NPRL3: variants seen among roughly 807,000 people sequenced by gnomAD.
NPRL3 encodes the protein GATOR1 complex protein NPRL3.
In NPRL3, 23 loss-of-function variants were observed where a neutral mutation model predicts 57.2. The observed-to-expected ratio is 0.40, with a 90% CI of 0.29 to 0.57. NPRL3 has a LOEUF of 0.57. Among genes scored for constraint, NPRL3 ranks in the 20% least tolerant of loss-of-function variants. The probability of loss-of-function intolerance (pLI) is 0.42; values close to 1 mark genes in which losing one functional copy is unlikely to be tolerated. For missense variants in NPRL3, 691 were observed against 767.1 expected, an observed-to-expected ratio of 0.90 and a Z score of 1.17; for synonymous variants, 333 against 321.1, an observed-to-expected ratio of 1.04 and a Z score of -0.39.
At chr16:127,504 G>A (rs895912477) in intron 3 of NPRL3, among the ~76,000 whole-genome samples, 2 of 152,094 alleles carry the variant, frequency 1.3e-5, no homozygotes, top group African/African-American at 4.8e-5. Flanking sequence ...CAAAGTGGTG[G>A]GATTACAGGC....
chr16:106,588 TG>T (rs1899537769), intron 7 of NPRL3, among the ~76,000 whole-genome samples: 1 of 135,858 alleles, frequency 7.4e-6, no homozygotes. Context: ...GAGCCAAGAT[TG>T]CGCTCCAGCC....
At chr16:128,418 T>C (rs1352069710) in intron 3 of NPRL3, among the ~76,000 whole-genome samples, 2 of 152,220 alleles carry the variant, frequency 1.3e-5, no homozygotes, top group African/African-American at 4.8e-5. Flanking sequence ...TAATACTGTT[T>C]CAGTCTGGTA....
At chr16:112,132 G>T (rs1899841175) in intron 6 of NPRL3, among the ~76,000 whole-genome samples, 1 of 152,222 alleles carries the variant, frequency 6.6e-6, no homozygotes, top group Admixed American at 6.5e-5. Flanking sequence ...GCCCCAGGGA[G>T]TAATAGTTTC....
intron 13 of NPRL3, among the ~76,000 whole-genome samples, chr16:87,598 G>C (rs878950805): frequency 6.7e-6 from 1 of 148,574 alleles, no homozygotes; most frequent in Admixed American, 6.7e-5. Flanking sequence ...GCAGTGGCGC[G>C]ATCTGGGCTC....
At chr16:101,508 CA>C (rs1290320821) in intron 7 of NPRL3, among the ~76,000 whole-genome samples, 1 of 152,210 alleles carries the variant, frequency 6.6e-6, no homozygotes, top group Non-Finnish European at 1.5e-5. Flanking sequence ...AAAGCTTGCT[CA>C]GGCCAAACAT....
intron 3 of NPRL3, among the ~76,000 whole-genome samples, chr16:127,810 A>T (rs889321140): frequency 2.0e-5 from 3 of 151,176 alleles, no homozygotes; most frequent in South Asian, 2.1e-4. Context: ...GCCCGCCACC[A>T]TGCCCGGATA....
At chr16:137,154 A>C (rs1215742719) in intron 2 of NPRL3, among the ~76,000 whole-genome samples, 1 of 151,436 alleles carries the variant, frequency 6.6e-6, no homozygotes, top group East Asian at 2.0e-4. Flanking sequence ...CGGGAGGTGG[A>C]GGCTGCAGTG....
chr16:134,980 C>G (rs979587132), intron 2 of NPRL3, among the ~76,000 whole-genome samples: 1 of 152,032 alleles, frequency 6.6e-6, no homozygotes, highest in Non-Finnish European at 1.5e-5. Flanking sequence ...GGATTACAGG[C>G]GTGAGCCACC....
intron 2 of NPRL3, among the ~76,000 whole-genome samples, chr16:132,631 A>G (rs1005321193): frequency 6.6e-6 from 1 of 150,948 alleles, no homozygotes; most frequent in Non-Finnish European, 1.5e-5. Flanking sequence ...CCAAGGAATC[A>G]CTATCTATGG....
At chr16:89,057 C>T (rs866980694) in intron 12 of NPRL3, 167 bp from the exon 13 acceptor site, 25 of 650,616 alleles carry the variant, frequency 3.8e-5, no homozygotes, top group Admixed American at 1.3e-4. Flanking sequence ...GGGTGTGACA[C>T]GCCCCTCATA....
intron 7 of NPRL3, among the ~76,000 whole-genome samples, chr16:108,625 G>C (rs977020812): frequency 6.6e-6 from 1 of 151,216 alleles, no homozygotes; most frequent in Admixed American, 6.6e-5. Context: ...GAATTAAAAA[G>C]TATTTTTTAA....
intron 2 of NPRL3, among the ~76,000 whole-genome samples, chr16:135,309 T>A (rs1028349550): frequency 1.2e-4 from 19 of 152,060 alleles, no homozygotes; most frequent in Non-Finnish European, 2.4e-4. Context: ...AAATATCAGC[T>A]CTTAGGATTA....
chr16:133,145 G>A (rs1900892465), intron 2 of NPRL3, among the ~76,000 whole-genome samples: 1 of 152,188 alleles, frequency 6.6e-6, no homozygotes, highest in Non-Finnish European at 1.5e-5. Context: ...ATTGTGGCTG[G>A]CCTGATCTAT....
intron 7 of NPRL3, among the ~76,000 whole-genome samples, chr16:103,754 C>T (rs951372430): frequency 9.2e-5 from 14 of 152,070 alleles, no homozygotes; most frequent in Admixed American, 3.3e-4. Context: ...CGAGGCAGGC[C>T]GATCACTTGA....
intron 13 of NPRL3, among the ~76,000 whole-genome samples, chr16:87,952 G>T (rs1164416338): frequency 1.3e-5 from 2 of 151,842 alleles, no homozygotes; most frequent in Admixed American, 1.3e-4. Context: ...CTGGCACAGA[G>T]GAGGCTAGGA....
chr16:86,614 G>C lies in NPRL3; in HGVS notation c.*91C>G. On this transcript the variant is annotated 3_prime_UTR_variant, in exon 14 of 14. Coordinates refer to ENST00000611875, the MANE Select transcript of NPRL3 (RefSeq NM_001077350.3). The stretch of plus-strand genomic sequence containing the variant: ...CCAATGCCAGGCCTCAGGGCCAAGA[G>C]GGCTCAGCCTCAGCACGGGGGGAGC... 7.5e-7 allele frequency: 1 copy of C among 1,341,380 alleles called. No homozygotes were observed. The highest frequency in any genetic ancestry group is 1.0e-6 in the Non-Finnish European group (1 of 993,456). 83.1% of individuals were successfully genotyped at this position (1,341,380 alleles called of 1,614,324 possible).
At chr16:98,502 A>G (rs1330070849) in intron 8 of NPRL3, among the ~76,000 whole-genome samples, 4 of 152,168 alleles carry the variant, frequency 2.6e-5, no homozygotes, top group Non-Finnish European at 4.4e-5. Flanking sequence ...GGTATGCACC[A>G]GGTCCTGCAC....
At position 138,132 on chromosome 16, in the gene NPRL3, C is replaced by CGCCCA. The variant is rs1466579945; in HGVS notation, c.118+13_118+17dup. 1 of 1,565,400 alleles carries CGCCCA rather than the reference C, an allele frequency of 6.4e-7. No individual in the cohort carries two copies. Among genetic ancestry groups the CGCCCA allele is most frequent in the Non-Finnish European group, 8.7e-7 (1 of 1,151,788 alleles). ...GCGGCCCCCGCGAGCGCCAGGCCCCCGCCCAGCGCTCACTTACTTGTCTGG... is the reference window on the plus strand; with the variant it reads ...GCGGCCCCCGCGAGCGCCAGGCCCCCGCCCAGCCCAGCGCTCACTTACTTGTCTGG... On this transcript the variant is annotated intron_variant, in intron 2 of 13. Transcript: ENST00000611875.
chr16:113,792 A>T (rs1182988822), intron 5 of NPRL3, among the ~76,000 whole-genome samples: 3 of 152,248 alleles, frequency 2.0e-5, no homozygotes, highest in Non-Finnish European at 4.4e-5. Flanking sequence ...GCCAGGCTTC[A>T]GGGGCAAAGC....
Sources: allele counts gnomAD v4.1 joint callset (sites outside exome capture counted in the v4.1 genomes callset), GRCh38; gene constraint gnomAD v4.1.1; transcripts MANE v1.5; gene names NCBI Gene and HGNC (gene_info 2026-07-23, HGNC 2026-07-21).